The following DLGAP2 variants were observed in gnomAD, a reference collection of about 807,000 sequenced individuals.
DLGAP2 encodes disks large-associated protein 2.
In DLGAP2, 26 loss-of-function variants were observed where a neutral mutation model predicts 100.3. The observed-to-expected ratio is 0.26, with a 90% CI of 0.19 to 0.36. The LOEUF (loss-of-function observed/expected upper bound fraction) is 0.36, where lower values mean the gene tolerates loss of function less well. Among genes scored for constraint, DLGAP2 ranks in the 10% least tolerant of loss-of-function variants. The pLI is 1.00. For synonymous variants in DLGAP2, 886 were observed against 630.1 expected (o/e 1.41, Z -6.08); for missense variants, 1,858 against 1,453.2 (o/e 1.28, Z -4.53).
At chr8:782,903 C>G (rs2132626406) in intron 1 of DLGAP2, among the ~76,000 whole-genome samples, 1 of 152,302 alleles carries the variant, frequency 6.6e-6, no homozygotes, top group East Asian at 1.9e-4. Flanking sequence ...CCCCAAATCA[C>G]AATACTCTGT....
chr8:1,264,297 C>T (rs753382121), intron 3 of DLGAP2, among the ~76,000 whole-genome samples: 4 of 152,028 alleles, frequency 2.6e-5, no homozygotes, highest in Admixed American at 6.6e-5. Flanking sequence ...GCTGGGGTTG[C>T]GGTCTGTGCC....
rs557274345 is a variant in DLGAP2 at position 1,124,281 on chromosome 8, C to T, written c.74-134570C>T. 1.2e-4 allele frequency among the ~76,000 whole-genome samples: 18 copies of T among 152,334 alleles called. No homozygotes were observed. In the South Asian group the frequency reaches 3.1e-3, roughly 26 times the overall value. The stretch of plus-strand genomic sequence containing the variant: ...TAAGGAACTCGCCAAAGAGAAGAGC[C>T]TGGAAGCGGCTCCAGGGTTTCTGCT... On this transcript the variant is annotated intron_variant, in intron 2 of 14. Transcript: ENST00000637795.
At chr8:1,389,657 C>G (rs1385153208) in intron 3 of DLGAP2, among the ~76,000 whole-genome samples, 1 of 152,042 alleles carries the variant, frequency 6.6e-6, no homozygotes, top group Non-Finnish European at 1.5e-5. Flanking sequence ...TCAGATTGTG[C>G]AGAATGGATG....
chr8:1,434,267 T>G (rs1288194094), intron 3 of DLGAP2, among the ~76,000 whole-genome samples: 2 of 152,102 alleles, frequency 1.3e-5, no homozygotes, highest in Non-Finnish European at 2.9e-5. Context: ...TCCTGCAGAT[T>G]ATCTGAGTCT....
chr8:1,482,350 T>A (rs1799121113), intron 3 of DLGAP2, among the ~76,000 whole-genome samples: 1 of 152,228 alleles, frequency 6.6e-6, no homozygotes, highest in Non-Finnish European at 1.5e-5. Flanking sequence ...AGAGTTCTAA[T>A]CTCCACCCTC....
chr8:1,471,514 G>A, intron 3 of DLGAP2, among the ~76,000 whole-genome samples: 1 of 148,808 alleles, frequency 6.7e-6, no homozygotes, highest in South Asian at 2.1e-4. Context: ...CCCAGCCTCT[G>A]CGATGCCCTC....
chr8:942,570 G>C (rs1464469913), intron 2 of DLGAP2, among the ~76,000 whole-genome samples: 17 of 152,198 alleles, frequency 1.1e-4, no homozygotes, highest in African/African-American at 4.1e-4. Context: ...ACGGCATTTG[G>C]CAGCTCAGCT....
chr8:1,010,235 C>T (rs535817932), intron 2 of DLGAP2, among the ~76,000 whole-genome samples: 30 of 152,292 alleles, frequency 2.0e-4, no homozygotes, highest in African/African-American at 7.2e-4. Context: ...TACACACATA[C>T]ACACATGTGC....
chr8:1,378,428 A>T (rs1796012747), intron 3 of DLGAP2, among the ~76,000 whole-genome samples: 1 of 149,688 alleles, frequency 6.7e-6, no homozygotes, highest in South Asian at 2.1e-4. Flanking sequence ...TCCTGCACAC[A>T]CCTGACCTCA....
intron 3 of DLGAP2, among the ~76,000 whole-genome samples, chr8:1,421,688 A>G (rs1352143269): frequency 1.3e-5 from 2 of 152,238 alleles, no homozygotes; most frequent in African/African-American, 4.8e-5. Context: ...TCATAAGGCT[A>G]GGCACAGTGG....
chr8:1,539,034 C>T lies in DLGAP2; in HGVS notation c.173-9592C>T, dbSNP rs182012978. ...CTGAGTAGCTGGGATTACAGGTGCACACCACCACGCCTGACTAATTTTTGT... is the reference window on the plus strand; with the variant it reads ...CTGAGTAGCTGGGATTACAGGTGCATACCACCACGCCTGACTAATTTTTGT... On this transcript the variant is annotated intron_variant, in intron 4 of 14. Coordinates refer to ENST00000637795, the MANE Select transcript of DLGAP2 (RefSeq NM_001346810.2). 1.7e-4 allele frequency among the ~76,000 whole-genome samples: 26 copies of T among 152,122 alleles called. No homozygotes were observed. In the East Asian group the frequency reaches 3.1e-3, roughly 18 times the overall value.
chr8:1,497,234 G>C (rs993008285), intron 3 of DLGAP2, among the ~76,000 whole-genome samples: 2 of 152,200 alleles, frequency 1.3e-5, no homozygotes, highest in Non-Finnish European at 2.9e-5. Context: ...GTTTTGTTTT[G>C]GCGATGGAAA....
At chr8:1,096,740 C>G (rs7813098) in intron 2 of DLGAP2, among the ~76,000 whole-genome samples, 13,295 of 86,256 alleles carry the variant, frequency 0.15, 1,894 homozygotes, top group African/African-American at 0.3. Context: ...GCGCTCAGTA[C>G]AGTGGAGCTG....
At chr8:1,220,259 T>A (rs185449626) in intron 2 of DLGAP2, among the ~76,000 whole-genome samples, 2 of 152,188 alleles carry the variant, frequency 1.3e-5, no homozygotes, top group Admixed American at 1.3e-4. Flanking sequence ...CTAGAAACTT[T>A]CCTCTTAACA....
At chr8:1,504,156 G>T (rs1291188647) in intron 4 of DLGAP2, among the ~76,000 whole-genome samples, 1 of 151,290 alleles carries the variant, frequency 6.6e-6, no homozygotes, top group African/African-American at 2.5e-5. Flanking sequence ...TGATGTATTT[G>T]TCTGAGAAAG....
intron 3 of DLGAP2, among the ~76,000 whole-genome samples, chr8:1,495,134 G>A (rs1799506274): frequency 6.6e-6 from 1 of 152,196 alleles, no homozygotes; most frequent in Admixed American, 6.5e-5. Flanking sequence ...AGATCAGACG[G>A]GGGCCAGCGT....
intron 3 of DLGAP2, chr8:1,369,299 T>C (rs1449056732): frequency 1.3e-5 from 2 of 152,176 alleles, no homozygotes. Context: ...AGGGCTGGAT[T>C]CCCAAGGCCT....
intron 2 of DLGAP2, among the ~76,000 whole-genome samples, chr8:1,101,796 C>A (rs1171851562): frequency 8.6e-5 from 2 of 23,304 alleles, no homozygotes; most frequent in East Asian, 7.6e-4. Flanking sequence ...CCTCGTCACC[C>A]CTGAGCCGAA....
chr8:1,281,719 G>A (rs2116949522), intron 3 of DLGAP2, among the ~76,000 whole-genome samples: 1 of 152,276 alleles, frequency 6.6e-6, no homozygotes, highest in East Asian at 1.9e-4. Flanking sequence ...CCAGGGAGAG[G>A]CAGATGTCCT....
Sources: gnomAD v4.1 joint callset for allele counts (sites outside exome capture counted in the v4.1 genomes callset) on GRCh38, gnomAD v4.1.1 for gene constraint, MANE v1.5 for transcripts, NCBI Gene and HGNC (gene_info 2026-07-23, HGNC 2026-07-21) for gene names.